The following WDR7 variants were observed in gnomAD, a reference collection of about 807,000 sequenced individuals.
WDR7 encodes the protein WD repeat-containing protein 7.
WDR7 carries 46 observed loss-of-function variants against 169.4 expected under a neutral mutation model. The ratio of observed to expected loss-of-function variants is 0.27; its 90% CI spans 0.21 to 0.35. The LOEUF (loss-of-function observed/expected upper bound fraction) is 0.35. Among genes scored for constraint, WDR7 ranks in the 10% least tolerant of loss-of-function variants. The pLI is 1.00. For synonymous variants in WDR7, 612 were observed against 666.8 expected (o/e 0.92, Z 1.27); for missense variants, 1,534 against 1,859.3 (o/e 0.83, Z 3.22).
At chr18:56,889,454 ACT>A (rs199845642) in intron 21 of WDR7, among the ~76,000 whole-genome samples, 1,571 of 152,194 alleles carry the variant, frequency 0.01, 15 homozygotes, top group Non-Finnish European at 0.013. Context: ...TGTATTATTT[ACT>A]CTCTTAGTCC....
intron 26 of WDR7, among the ~76,000 whole-genome samples, chr18:57,009,452 G>A (rs2048108615): frequency 6.6e-6 from 1 of 152,086 alleles, no homozygotes; most frequent in Non-Finnish European, 1.5e-5. Context: ...AAATAACTTG[G>A]TATTTCTTAA....
intron 26 of WDR7, among the ~76,000 whole-genome samples, chr18:56,991,990 T>C (rs2047824483): frequency 6.6e-6 from 1 of 152,260 alleles, no homozygotes. Flanking sequence ...TAATTAATCA[T>C]ATTAATCAAT....
chr18:56,843,857 C>CTTTTTTTTTTTTTTTTTTTTTTTTT (rs776575088), intron 20 of WDR7, among the ~76,000 whole-genome samples: 1 of 134,330 alleles, frequency 7.4e-6, no homozygotes, highest in Non-Finnish European at 1.6e-5. Flanking sequence ...TTTTTTCTTT[C>CTTTTTTTTTTTTTTTTTTTTTTTTT]TTTTTTTTTT....
intron 12 of WDR7, among the ~76,000 whole-genome samples, chr18:56,708,339 T>C (rs570889560): frequency 6.6e-6 from 1 of 152,184 alleles, no homozygotes; most frequent in African/African-American, 2.4e-5. Context: ...TGGCCCAGTG[T>C]TTATTTCTTG....
chr18:56,868,979 C>A (rs1357130662), intron 20 of WDR7, among the ~76,000 whole-genome samples: 1 of 152,048 alleles, frequency 6.6e-6, no homozygotes, highest in Non-Finnish European at 1.5e-5. Context: ...AAAAAATTAA[C>A]TTGTTATTCA....
chr18:57,001,713 C>T (rs2047982812), intron 26 of WDR7, among the ~76,000 whole-genome samples: 1 of 152,160 alleles, frequency 6.6e-6, no homozygotes, highest in South Asian at 2.1e-4. Context: ...TCCTCTTCCC[C>T]TGACAATCAC....
In WDR7 at chr18:57,006,316, GTTTT is replaced by G. The variant is rs201264018; in HGVS notation, c.4165-14420_4165-14417del. ...GAACATAAGTTAAAACATCAAAGCA[GTTTT>G]TTTTTTTTCTTCAAGATTGTAGTTA... On this transcript the variant is annotated intron_variant, in intron 26 of 27. Transcript: ENST00000254442. Among the ~76,000 whole-genome samples, 3 of 148,578 alleles carry G rather than the reference GTTTT, an allele frequency of 2.0e-5. No homozygotes were observed. In the South Asian group the frequency reaches 6.4e-4, roughly 32 times the overall value.
intron 21 of WDR7, among the ~76,000 whole-genome samples, chr18:56,903,782 G>A (rs4800954): frequency 0.71 from 107,852 of 151,994 alleles, 39,682 homozygotes; most frequent in East Asian, 0.84. Context: ...AATTACTATG[G>A]ACCACAAGTA....
At chr18:56,700,252 C>CTTTTCTTTTTTT (rs2025794518) in intron 12 of WDR7, among the ~76,000 whole-genome samples, 3 of 67,246 alleles carry the variant, frequency 4.5e-5, no homozygotes, top group African/African-American at 6.1e-5. Context: ...TTTTCATTTT[C>CTTTTCTTTTTTT]TTTTTTTTTT....
intron 20 of WDR7, among the ~76,000 whole-genome samples, chr18:56,839,848 G>T (rs146777972): frequency 3.3e-5 from 5 of 152,132 alleles, no homozygotes; most frequent in African/African-American, 1.2e-4. Context: ...AGGTCACGCC[G>T]TCAGGTGTTA....
chr18:56,694,624 A>G lies in WDR7; in HGVS notation c.972A>G (p.Leu324=). 1 of 1,605,700 alleles carries G rather than the reference A, an allele frequency of 6.2e-7. No homozygotes were observed. Among genetic ancestry groups the G allele is most frequent in the Non-Finnish European group, 8.5e-7 (1 of 1,175,660 alleles). ...ILLDRKDKEL[L]ICPPVTRFFY... The stretch of plus-strand genomic sequence containing the variant: ...TCAAATACTTTTTTTGGCAGTTGCT[A>G]ATTTGTCCTCCTGTTACTCGGTTCT... Residue 324 remains leucine (L), a synonymous_variant, in exon 10 of 28, where the codon CTA becomes CTG. Coordinates refer to ENST00000254442, the MANE Select transcript of WDR7 (RefSeq NM_015285.3).
intron 26 of WDR7, among the ~76,000 whole-genome samples, chr18:56,998,487 T>C (rs531547248): frequency 6.6e-6 from 1 of 152,294 alleles, no homozygotes; most frequent in South Asian, 2.1e-4. Context: ...TTAAACTCTA[T>C]CAGCAGACTT....
At chr18:56,695,345 ACAGATAAAATATT>A in intron 11 of WDR7, 147 bp downstream of exon 11, 1 of 965,894 alleles carries the variant, frequency 1.0e-6, no homozygotes, top group South Asian at 1.9e-5. Flanking sequence ...AGTTTAATGC[ACAGATAAAATATT>A]CAGTGCCTGT....
In WDR7 at chr18:56,779,600, G is replaced by A. The variant is rs192774152; in HGVS notation, c.3066+51G>A. ...AAACAAAAATATTAAAAAGGCATTGGTCAAATGTAAACTTGAAACAAAAAT... is the reference window on the plus strand; with the variant it reads ...AAACAAAAATATTAAAAAGGCATTGATCAAATGTAAACTTGAAACAAAAAT... On this transcript the variant is annotated intron_variant, in intron 18 of 27. Transcript: ENST00000254442. 1.4e-3 allele frequency: 2,030 copies of A among 1,406,656 alleles called. 29 individuals are homozygous for A. Among genetic ancestry groups the A allele is most frequent in the East Asian group, 2.3e-4 (10 of 42,832 alleles). 87.1% of individuals were successfully genotyped at this position (1,406,656 alleles called of 1,614,324 possible).
chr18:56,708,257 C>G (rs1410687501), intron 12 of WDR7, among the ~76,000 whole-genome samples: 1 of 152,040 alleles, frequency 6.6e-6, no homozygotes, highest in African/African-American at 2.4e-5. Flanking sequence ...TGGTCTCAAA[C>G]TCCTGACCTC....
intron 22 of WDR7, among the ~76,000 whole-genome samples, chr18:56,930,250 G>A (rs1456894920): frequency 6.6e-6 from 1 of 152,174 alleles, no homozygotes; most frequent in Non-Finnish European, 1.5e-5. Flanking sequence ...GATTCCTTTT[G>A]AACTACATAG....
chr18:57,011,205 C>A (rs1020461381), intron 26 of WDR7, among the ~76,000 whole-genome samples: 5 of 152,116 alleles, frequency 3.3e-5, no homozygotes, highest in Non-Finnish European at 5.9e-5. Flanking sequence ...TATATAACCC[C>A]CCCACAGAAG....
chr18:56,744,606 T>C (rs1460656003), intron 14 of WDR7, among the ~76,000 whole-genome samples: 2 of 152,062 alleles, frequency 1.3e-5, no homozygotes, highest in South Asian at 2.1e-4. Flanking sequence ...GGGGATGAAA[T>C]TGTGGAATCC....
chr18:56,652,623 T>G (rs2024681094), intron 1 of WDR7, among the ~76,000 whole-genome samples: 1 of 152,252 alleles, frequency 6.6e-6, no homozygotes, highest in African/African-American at 2.4e-5. Flanking sequence ...CAATACATAT[T>G]AGTTATTATA....
Sources: allele counts gnomAD v4.1 joint callset (sites outside exome capture counted in the v4.1 genomes callset), GRCh38; gene constraint gnomAD v4.1.1; transcripts MANE v1.5; gene names NCBI Gene and HGNC (gene_info 2026-07-23, HGNC 2026-07-21).